Variants in TRAPPC10 observed in about 807,000 individuals in gnomAD.
TRAPPC10 encodes trafficking protein particle complex subunit 10, also known as TRAPP 130 kDa subunit.
Under a neutral mutation model 125.5 loss-of-function variants are expected in TRAPPC10, and 23 were observed. The observed-to-expected ratio is 0.18, with a 90% CI of 0.13 to 0.26. The LOEUF is 0.26. Ranked by LOEUF, TRAPPC10 falls within the 10% of genes least tolerant of loss-of-function variation. The pLI, the probability that TRAPPC10 is intolerant of heterozygous loss-of-function variation, is 1.00. For missense variants in TRAPPC10, 1,123 were observed against 1,308.4 expected, an observed-to-expected ratio of 0.86 and a Z score of 2.19; for synonymous variants, 509 against 518.0, an observed-to-expected ratio of 0.98 and a Z score of 0.24.
At chr21:44,021,467 A>G (rs1292875763) in intron 1 of TRAPPC10, among the ~76,000 whole-genome samples, 1 of 152,232 alleles carries the variant, frequency 6.6e-6, no homozygotes, top group Non-Finnish European at 1.5e-5. Context: ...ATAAAAGTGC[A>G]ATATGTATCA....
At chr21:44,056,753 T>G (rs750744456) in intron 5 of TRAPPC10, among the ~76,000 whole-genome samples, 36 of 152,064 alleles carry the variant, frequency 2.4e-4, no homozygotes, top group Non-Finnish European at 2.9e-4. Context: ...AGCTCCGGCC[T>G]GGTTTGGGGG....
At chr21:44,050,927 C>T (rs983223435) in intron 3 of TRAPPC10, among the ~76,000 whole-genome samples, 4 of 152,008 alleles carry the variant, frequency 2.6e-5, no homozygotes, top group Middle Eastern at 3.4e-3. Context: ...TTTTTGGAGA[C>T]GCAGTCTCGC....
intron 2 of TRAPPC10, among the ~76,000 whole-genome samples, chr21:44,036,508 C>T (rs141827262): frequency 6.6e-6 from 1 of 152,360 alleles, no homozygotes; most frequent in East Asian, 1.9e-4. Flanking sequence ...TCCATCACTT[C>T]TGTGTACAGA....
At position 44,038,035 on chromosome 21, in the gene TRAPPC10, T is replaced by G; in HGVS notation, c.285+108T>G. 3 of 1,402,770 alleles carry G rather than the reference T, an allele frequency of 2.1e-6. No individual in the cohort carries two copies. The South Asian group carries it at 4.0e-5, about 19-fold the overall frequency. 86.9% of individuals were successfully genotyped at this position (1,402,770 alleles called of 1,614,324 possible). A position where few individuals can be genotyped will look rare whatever the true frequency, so the allele number is the denominator to read the frequency against. ...AAGAGGACGCGTGGTGGGGTGGAGT[T>G]GGAGATGCGTGGAGAGTGCTGTGTG... On this transcript the variant is annotated intron_variant, in intron 3 of 22. Coordinates refer to ENST00000291574, the MANE Select transcript of TRAPPC10 (RefSeq NM_003274.5).
rs1213294925 is a variant in TRAPPC10 at position 44,086,822 on chromosome 21, C to T, written c.2401C>T (p.Pro801Ser). The T allele has an allele frequency of 2.5e-6, 4 of 1,614,156 alleles. No homozygotes were observed. Among genetic ancestry groups the T allele is most frequent in the Non-Finnish European group, 3.4e-6 (4 of 1,180,030 alleles). ...TTTAGATAGCCTTCTGGCAGGCATT[C>T]CTCAGAGAGTCAAGTTCACTGTCAC... Reference protein sequence around the residue: ...PLADSLLAGIPQRVKFTVTTG... With the variant: ...PLADSLLAGISQRVKFTVTTG... The change falls in exon 16 of 23, where the codon CCT (proline) becomes TCT (serine). Residue 801 changes from proline (P) to serine (S), a missense_variant. This residue lies in a region of TRAPPC10 where 840 missense variants were observed against 902.0 expected (regional missense o/e 0.93). Transcript: ENST00000291574.
At position 44,055,742 on chromosome 21, in the gene TRAPPC10, A is replaced by G; in HGVS notation, c.527A>G (p.Gln176Arg). ...SDPLKDSSRTQESWNAFLTKL... is the reference protein window; with the variant it reads ...SDPLKDSSRTRESWNAFLTKL... ...CCCTTGAAGGACTCTTCTCGAACTCAGGAATCCTGGAATGCCTTCCTGACC... is the reference window on the plus strand; with the variant it reads ...CCCTTGAAGGACTCTTCTCGAACTCGGGAATCCTGGAATGCCTTCCTGACC... Residue 176 changes from glutamine to arginine, a missense_variant, in exon 5 of 23, where the codon CAG becomes CGG. Physicochemically the swap from Gln to Arg is conservative, Grantham distance 43 (BLOSUM62 1). Coordinates refer to ENST00000291574, the MANE Select transcript of TRAPPC10 (RefSeq NM_003274.5). The G allele has an allele frequency of 3.1e-6, 5 of 1,613,020 alleles. No homozygotes were observed. Among genetic ancestry groups the G allele is most frequent in the Non-Finnish European group, 4.2e-6 (5 of 1,179,114 alleles).
At chr21:44,079,730 A>T (rs1345148985) in intron 12 of TRAPPC10, 26 bp downstream of exon 12, 1 of 1,593,590 alleles carries the variant, frequency 6.3e-7, no homozygotes, top group South Asian at 1.2e-5. Flanking sequence ...TTCATGAAGC[A>T]GGAAAATTAT....
intron 6 of TRAPPC10, among the ~76,000 whole-genome samples, chr21:44,061,379 C>T (rs957767073): frequency 2.0e-5 from 3 of 151,926 alleles, no homozygotes; most frequent in African/African-American, 7.3e-5. Flanking sequence ...CGTGATCTGC[C>T]CACCTCAGCC....
At chr21:44,055,088 A>G (rs2035479655) in intron 4 of TRAPPC10, among the ~76,000 whole-genome samples, 1 of 152,178 alleles carries the variant, frequency 6.6e-6, no homozygotes, top group Non-Finnish European at 1.5e-5. Flanking sequence ...GAACTGAGTG[A>G]GGCGTGATCA....
intron 7 of TRAPPC10, among the ~76,000 whole-genome samples, chr21:44,071,681 T>A (rs2036879481): frequency 6.6e-6 from 1 of 152,244 alleles, no homozygotes; most frequent in Non-Finnish European, 1.5e-5. Flanking sequence ...TTCACATGCA[T>A]GTCTTTTTTT....
At chr21:44,045,123 C>T (rs551544711) in intron 3 of TRAPPC10, among the ~76,000 whole-genome samples, 52 of 152,132 alleles carry the variant, frequency 3.4e-4, no homozygotes, top group African/African-American at 8.7e-4. Flanking sequence ...TTAGTAGAAA[C>T]GGGGTTTCAC....
chr21:44,071,040 A>C (rs1411715568), intron 7 of TRAPPC10, among the ~76,000 whole-genome samples: 1 of 152,260 alleles, frequency 6.6e-6, no homozygotes, highest in African/African-American at 2.4e-5. Flanking sequence ...AAGGTTTAAT[A>C]AGCAGCAGTG....
In TRAPPC10 at chr21:44,086,970, C is replaced by T. The variant is rs200724649; in HGVS notation, c.2539+10C>T. On this transcript the variant is annotated intron_variant, in intron 16 of 22. Transcript: ENST00000291574. ...TACTCCAACACGAGAGGTGAGGTGC[C>T]GCCCACCCAGGCCCAAGGAGGATGC... 7.7e-5 allele frequency: 125 copies of T among 1,613,408 alleles called. 2 individuals carry two copies. The South Asian group carries it at 9.4e-4, about 12-fold the overall frequency.
chr21:44,049,966 G>A (rs1159874300), intron 3 of TRAPPC10, among the ~76,000 whole-genome samples: 3 of 151,152 alleles, frequency 2.0e-5, no homozygotes, highest in Admixed American at 6.6e-5. Flanking sequence ...TGCAACCTCC[G>A]CCTCCCAGGT....
chr21:44,030,899 TG>T (rs1439788505), intron 1 of TRAPPC10, among the ~76,000 whole-genome samples: 1 of 152,254 alleles, frequency 6.6e-6, no homozygotes, highest in Admixed American at 6.5e-5. Flanking sequence ...CATGCCTTGT[TG>T]GAAGTGACTG....
At position 44,063,070 on chromosome 21, in the gene TRAPPC10, G is replaced by A. The variant is rs905738691; in HGVS notation, c.791-468G>A. ...TCCTCCAGGAGCTTGACTCAGGGAC[G>A]TGACGTGGTTGAGTTAGGGAAATAA... On this transcript the variant is annotated intron_variant, in intron 6 of 22. Coordinates refer to ENST00000291574, the MANE Select transcript of TRAPPC10 (RefSeq NM_003274.5). The surrounding 1 kb of genome is among the most constrained non-coding windows in gnomAD (Gnocchi z 4.4). The A allele has an allele frequency of 1.5e-5, 20 of 1,304,352 alleles. No homozygotes were observed. In the East Asian group the frequency reaches 1.7e-4, roughly 11 times the overall value. The allele number at this position is 1,304,352 out of a possible 1,614,324, so 80.8% of individuals were successfully genotyped here.
intron 1 of TRAPPC10, among the ~76,000 whole-genome samples, chr21:44,025,032 T>A (rs2032915865): frequency 6.6e-6 from 1 of 152,208 alleles, no homozygotes; most frequent in Non-Finnish European, 1.5e-5. Context: ...CGATATTCCG[T>A]GGTTTATTCT....
intron 3 of TRAPPC10, chr21:44,046,507 T>A: frequency 6.8e-6 from 1 of 147,638 alleles, no homozygotes. Flanking sequence ...TACCTTTAAG[T>A]TTTTTTTTTT....
intron 3 of TRAPPC10, chr21:44,046,750 C>T: frequency 2.4e-6 from 1 of 415,498 alleles, no homozygotes. Context: ...TCAGGCGATC[C>T]TCCTGCCTTA....
Sources: gnomAD v4.1 joint callset for allele counts (sites outside exome capture counted in the v4.1 genomes callset) on GRCh38, gnomAD v4.1.1 for gene constraint, gnomAD v4.1.1 regional missense constraint, Gnocchi (gnomAD v3.1) non-coding constraint, MANE v1.5 for transcripts, NCBI Gene and HGNC (gene_info 2026-07-23, HGNC 2026-07-21) for gene names.